KIAA1217: variants seen among roughly 807,000 people sequenced by gnomAD.
The protein encoded by KIAA1217 is KIAA1217, also known as sickle tail protein homolog.
KIAA1217 carries 88 observed loss-of-function variants against 163.9 expected under a neutral mutation model. The ratio of observed to expected loss-of-function variants is 0.54; its 90% confidence interval spans 0.45 to 0.64. KIAA1217 has a LOEUF of 0.64. KIAA1217 is among the 30% of genes least tolerant of loss of function. The probability of loss-of-function intolerance (pLI) is 0.00; values close to 1 mark genes in which losing one functional copy is unlikely to be tolerated. For synonymous variants in KIAA1217, 903 were observed against 923.1 expected, an observed-to-expected ratio of 0.98 and a Z score of 0.39; for missense variants, 2,372 against 2,475.0, an observed-to-expected ratio of 0.96 and a Z score of 0.88.
chr10:24,473,377 T>C lies in KIAA1217; in HGVS notation c.996T>C (p.Tyr332=), dbSNP rs1339649023. 6 of 1,611,872 alleles carry C rather than the reference T, an allele frequency of 3.7e-6. No individual in the cohort carries two copies. Among genetic ancestry groups the C allele is most frequent in the Non-Finnish European group, 5.1e-6 (6 of 1,178,818 alleles). ...CCCCCTCCCCGTCCAGAATTCCTTA[T>C]GGGGGCACCCGCTCCATGGTTGTTC... ...SMPPSPSRIP[Y]GGTRSMVVPG... Residue 332 remains tyrosine, a synonymous_variant, in exon 6 of 21, where the codon TAT becomes TAC. Transcript: ENST00000376454.
intron 3 of KIAA1217, among the ~76,000 whole-genome samples, chr10:24,399,859 CA>C (rs1184672385): frequency 6.6e-6 from 1 of 151,784 alleles, no homozygotes; most frequent in African/African-American, 2.4e-5. Flanking sequence ...ATAATAATAA[CA>C]AAAAAATAAT....
chr10:23,943,374 A>G (rs1404708169), intron 1 of KIAA1217, among the ~76,000 whole-genome samples: 1 of 152,192 alleles, frequency 6.6e-6, no homozygotes, highest in East Asian at 1.9e-4. Flanking sequence ...TATAACATGA[A>G]CTATTTTAAA....
chr10:23,793,583 A>G (rs908668945), intron 1 of KIAA1217, among the ~76,000 whole-genome samples: 1 of 152,226 alleles, frequency 6.6e-6, no homozygotes, highest in Non-Finnish European at 1.5e-5. Context: ...TACTGAGCAC[A>G]TTTTTGGCAA....
intron 2 of KIAA1217, among the ~76,000 whole-genome samples, chr10:24,138,611 G>A (rs570598373): frequency 6.9e-6 from 1 of 144,850 alleles, no homozygotes; most frequent in Non-Finnish European, 1.5e-5. Context: ...TTAATTTCCT[G>A]TGGTTTTAAA....
intron 1 of KIAA1217, among the ~76,000 whole-genome samples, chr10:23,962,118 G>A (rs184360730): frequency 4.6e-5 from 7 of 152,342 alleles, no homozygotes; most frequent in Middle Eastern, 3.4e-3. Context: ...TGCCCTGGCC[G>A]TCTGGCCGTG....
intron 1 of KIAA1217, among the ~76,000 whole-genome samples, chr10:23,957,999 C>T (rs1844645913): frequency 6.6e-6 from 1 of 152,138 alleles, no homozygotes; most frequent in Non-Finnish European, 1.5e-5. Context: ...ACATTCCATT[C>T]CCTGAGAGAA....
intron 1 of KIAA1217, among the ~76,000 whole-genome samples, chr10:23,738,559 C>G (rs901409239): frequency 6.6e-6 from 1 of 151,698 alleles, no homozygotes; most frequent in Admixed American, 6.6e-5. Context: ...TCAGCCAGTT[C>G]TTGTTTAACA....
chr10:24,177,756 C>G (rs2065979438), intron 2 of KIAA1217, among the ~76,000 whole-genome samples: 1 of 152,054 alleles, frequency 6.6e-6, no homozygotes, highest in African/African-American at 2.4e-5. Context: ...GCTAGCTTCA[C>G]TTGATTTCCA....
intron 10 of KIAA1217, among the ~76,000 whole-genome samples, chr10:24,517,873 T>C (rs1300308858): frequency 6.6e-6 from 1 of 152,128 alleles, no homozygotes; most frequent in African/African-American, 2.4e-5. Context: ...CGGGCACCTG[T>C]AATCCCAGCT....
At chr10:24,057,427 A>G (rs1029917133) in intron 2 of KIAA1217, among the ~76,000 whole-genome samples, 13 of 152,262 alleles carry the variant, frequency 8.5e-5, no homozygotes, top group Admixed American at 2.0e-4. Context: ...GTAACTCGCC[A>G]TTTGTCTCTC....
chr10:24,490,064 A>G (rs2065920523), intron 6 of KIAA1217, among the ~76,000 whole-genome samples: 1 of 152,136 alleles, frequency 6.6e-6, no homozygotes, highest in African/African-American at 2.4e-5. Flanking sequence ...TTAACACTGG[A>G]AACAGCACTT....
At chr10:23,707,527 G>A (rs1836967582) in intron 1 of KIAA1217, among the ~76,000 whole-genome samples, 1 of 152,138 alleles carries the variant, frequency 6.6e-6, no homozygotes, top group African/African-American at 2.4e-5. Flanking sequence ...ATAAGTGGGA[G>A]CGAAACAATG....
intron 2 of KIAA1217, among the ~76,000 whole-genome samples, chr10:24,361,949 C>T (rs946578881): frequency 7.2e-6 from 1 of 139,194 alleles, no homozygotes; most frequent in Non-Finnish European, 1.5e-5. Flanking sequence ...GGCCACTGCA[C>T]TCCAGCCTGG....
At chr10:24,349,149 A>T (rs2048158368) in intron 2 of KIAA1217, among the ~76,000 whole-genome samples, 3 of 151,774 alleles carry the variant, frequency 2.0e-5, no homozygotes, top group Admixed American at 2.0e-4. Context: ...AAAAAAAAAA[A>T]AAAAGAGAGA....
At chr10:24,057,765 T>C (rs2060579732) in intron 2 of KIAA1217, among the ~76,000 whole-genome samples, 1 of 152,220 alleles carries the variant, frequency 6.6e-6, no homozygotes, top group Admixed American at 6.5e-5. Flanking sequence ...TTTTTTGCTA[T>C]TAAACCGTAG....
chr10:23,732,186 G>C (rs1254450455), intron 1 of KIAA1217, among the ~76,000 whole-genome samples: 1 of 151,946 alleles, frequency 6.6e-6, no homozygotes, highest in Non-Finnish European at 1.5e-5. Flanking sequence ...TTAAATGTTT[G>C]ATAGCATTCA....
Position 23,910,475 on chromosome 10 carries a change from C to T in KIAA1217, c.-320-96750C>T, listed in dbSNP as rs563983137. ...TCTGACTAGATTGTGTACAACGGGT[C>T]CAGCTGCATCCCTGGCTGCAGCTGC... is the stretch of plus-strand genomic sequence containing the variant. On this transcript the variant is annotated intron_variant, in intron 1 of 18. Transcript: ENST00000376462. 2.0e-5 allele frequency among the ~76,000 whole-genome samples: 3 copies of T among 152,222 alleles called. No individual in the cohort carries two copies. The East Asian group carries it at 5.8e-4, about 30-fold the overall frequency.
intron 3 of KIAA1217, among the ~76,000 whole-genome samples, chr10:24,417,412 CT>C (rs2058345199): frequency 6.6e-6 from 1 of 152,160 alleles, no homozygotes. Context: ...GCAGTGTTAC[CT>C]TTTGATTGAG....
intron 3 of KIAA1217, among the ~76,000 whole-genome samples, chr10:24,418,552 C>T (rs533937171): frequency 3.3e-5 from 5 of 152,268 alleles, no homozygotes; most frequent in East Asian, 3.9e-4. Context: ...AAGATATATT[C>T]ACTCCTCTGT....
Sources: gnomAD v4.1 joint callset for allele counts (sites outside exome capture counted in the v4.1 genomes callset) on GRCh38, gnomAD v4.1.1 for gene constraint, MANE v1.5 for transcripts, NCBI Gene and HGNC (gene_info 2026-07-23, HGNC 2026-07-21) for gene names.